The following ZNF333 variants were observed in gnomAD, a reference collection of about 807,000 sequenced individuals.
ZNF333 encodes zinc finger protein 333.
Under a neutral mutation model 76.1 loss-of-function variants are expected in ZNF333, and 61 were observed. The ratio of observed to expected loss-of-function variants is 0.80; its 90% CI spans 0.65 to 0.99. The LOEUF is 0.99. Among genes scored for constraint, ZNF333 ranks in the 50% least tolerant of loss-of-function variants. ZNF333 has a pLI of 0.00. For synonymous variants in ZNF333, 284 were observed against 305.0 expected, an observed-to-expected ratio of 0.93 and a Z score of 0.72; for missense variants, 717 against 822.4, an observed-to-expected ratio of 0.87 and a Z score of 1.57.
chr19:14,702,628 A>T (rs1419603599), intron 5 of ZNF333, among the ~76,000 whole-genome samples: 1 of 152,164 alleles, frequency 6.6e-6, no homozygotes, highest in Non-Finnish European at 1.5e-5. Flanking sequence ...TTCTGCAGAC[A>T]CCTGGCTCCT....
At chr19:14,731,070 T>C in intron 11 of ZNF333, 1 of 966,144 alleles carries the variant, frequency 1.0e-6, no homozygotes, top group Non-Finnish European at 1.6e-6. Context: ...TGCCCTGGTC[T>C]CAAGCACCGC....
Position 14,697,357 on chromosome 19 carries a change from C to CTTTTTT in ZNF333, c.223+1713_223+1718dup, listed in dbSNP as rs139125023. 4.7e-3 allele frequency among the ~76,000 whole-genome samples: 430 copies of CTTTTTT among 90,744 alleles called. 1 individual carries two copies. Among genetic ancestry groups the CTTTTTT allele is most frequent in the African/African-American group, 0.01 (228 of 22,532 alleles). The allele number at this position is 90,744 out of a possible 152,430, so 59.5% of individuals were successfully genotyped here. ...GTGTACAATATTTCTTTTTTCTTTT[C>CTTTTTT]TTTTTTTTTTTTTTTTTTTTTTGAG... is the stretch of plus-strand genomic sequence containing the variant. On this transcript the variant is annotated intron_variant, in intron 4 of 11. Transcript: ENST00000292530.
Position 14,715,411 on chromosome 19 carries a change from C to T in ZNF333, c.541C>T (p.Gln181Ter). 1 of 1,614,058 alleles carries T rather than the reference C, an allele frequency of 6.2e-7. No homozygotes were observed. The highest frequency in any genetic ancestry group is 8.5e-7 in the Non-Finnish European group (1 of 1,179,966). The stretch of plus-strand genomic sequence containing the variant: ...GCCTGCACGTGACCCTGCCTGGCTT[C>T]AGGAGGACAAAGTGGAGGAAGAAGC... ...AVPARDPAWLQEDKVEEEAMA... is the reference protein window; with the variant it reads ...AVPARDPAWL The change falls in exon 8 of 12, where the codon CAG becomes TAG. Residue 181 changes from glutamine (Q) to a stop codon, truncating the protein, a stop_gained. Coordinates refer to ENST00000292530, the MANE Select transcript of ZNF333 (RefSeq NM_032433.4). LOFTEE classifies it high-confidence loss of function.
At chr19:14,715,167 ATGTGTGCATGTCTGTGTACG>A (rs2042391086) in intron 7 of ZNF333, 195 bp from the exon 8 acceptor site, 1 of 530,392 alleles carries the variant, frequency 1.9e-6, no homozygotes, top group Non-Finnish European at 3.5e-6. Flanking sequence ...TTGTGTGTAT[ATGTGTGCATGTCTGTGTACG>A]TGTGTGCATG....
At chr19:14,705,694 G>A (rs2042089084) in intron 6 of ZNF333, among the ~76,000 whole-genome samples, 1 of 152,248 alleles carries the variant, frequency 6.6e-6, no homozygotes, top group South Asian at 2.1e-4. Flanking sequence ...CAGAGCAGGA[G>A]GTGAGCGGCG....
At chr19:14,726,476 G>A (rs553940598), downstream of ZNF333, among the ~76,000 whole-genome samples, 8 of 152,082 alleles carry the variant, frequency 5.3e-5, no homozygotes, top group African/African-American at 9.6e-5. Flanking sequence ...CTTCTTTACC[G>A]CATGGCCAGG....
At position 14,719,099 on chromosome 19, in the gene ZNF333, C is replaced by T; in HGVS notation, c.1772C>T (p.Ala591Val). ...ARTHSGKKPY[A>V]CQECGRAFGQ... ...ACTCACAGTGGCAAGAAGCCCTATG[C>T]ATGCCAGGAATGCGGGCGAGCCTTT... is the stretch of plus-strand genomic sequence containing the variant. Residue 591 changes from alanine to valine, a missense_variant, in exon 12 of 12, where the codon GCA becomes GTA. Ala to Val is a moderately conservative substitution (Grantham distance 64). Coordinates refer to ENST00000292530, the MANE Select transcript of ZNF333 (RefSeq NM_032433.4). The T allele has an allele frequency of 6.2e-7, 1 of 1,613,944 alleles. No individual in the cohort carries two copies. The highest frequency in any genetic ancestry group is 8.5e-7 in the Non-Finnish European group (1 of 1,179,946).
rs569763417 is a variant in ZNF333 at position 14,695,585 on chromosome 19, C to T, written c.147C>T (p.Pro49=). The T allele has an allele frequency of 6.2e-7, 1 of 1,614,162 alleles. No homozygotes were observed. Among genetic ancestry groups the T allele is most frequent in the Admixed American group, 1.7e-5 (1 of 60,016 alleles). ...GTGCAGGAACTCCACCATGCAAACC[C>T]AGTTGTGTCTCCCAGCTGGGGCAAA... ...LASRGTPPCK[P]SCVSQLGQRA... Residue 49 remains proline (P), a synonymous_variant, in exon 4 of 12, where the codon CCC becomes CCT. Transcript: ENST00000292530.
At chr19:14,728,105 C>T (rs2524360) in intron 11 of ZNF333, among the ~76,000 whole-genome samples, 49,202 of 151,772 alleles carry the variant, frequency 0.32, 8,356 homozygotes, top group Middle Eastern at 0.48. Context: ...CCCAACTACT[C>T]GGGAGGCTGA....
At chr19:14,715,237 G>A (rs1461671780) in intron 7 of ZNF333, 145 bp from the exon 8 acceptor site, 3 of 640,600 alleles carry the variant, frequency 4.7e-6, no homozygotes, top group Non-Finnish European at 8.2e-6. Flanking sequence ...GCAGATATGT[G>A]TCTGCATGTG....
downstream of ZNF333, among the ~76,000 whole-genome samples, chr19:14,724,626 T>C (rs529112755): frequency 2.2e-3 from 329 of 151,942 alleles, 1 homozygote; most frequent in African/African-American, 7.8e-3. Flanking sequence ...ATTAGTTGGG[T>C]GTGGTGGCGG....
chr19:14,727,300 T>C (rs2147043709), intron 11 of ZNF333, among the ~76,000 whole-genome samples: 1 of 152,280 alleles, frequency 6.6e-6, no homozygotes, highest in Non-Finnish European at 1.5e-5. Flanking sequence ...AATGCTGGGA[T>C]TACAGGTGTG....
intron 10 of ZNF333, 52 bp from the exon 11 acceptor site, chr19:14,717,605 C>T: frequency 6.5e-7 from 1 of 1,535,326 alleles, no homozygotes; most frequent in Non-Finnish European, 9.0e-7. Flanking sequence ...GACCTTGATC[C>T]CACAGTTTCT....
chr19:14,728,027 C>A (rs917070024), intron 11 of ZNF333, among the ~76,000 whole-genome samples: 5 of 152,164 alleles, frequency 3.3e-5, no homozygotes, highest in African/African-American at 1.2e-4. Flanking sequence ...TCGAGACCAT[C>A]CTGGCTAACA....
chr19:14,710,793 TAAATA>T (rs1346961974), intron 7 of ZNF333, among the ~76,000 whole-genome samples: 2 of 151,784 alleles, frequency 1.3e-5, no homozygotes, highest in Non-Finnish European at 2.9e-5. Context: ...AATAAAAAAA[TAAATA>T]AAAGTAAATA....
intron 3 of ZNF333, 150 bp downstream of exon 3, chr19:14,695,283 TC>T (rs1973096301): frequency 1.6e-6 from 2 of 1,259,356 alleles, no homozygotes; most frequent in Non-Finnish European, 2.1e-6. Flanking sequence ...TTGACTTCTT[TC>T]CCTCTGTAGT....
rs1320629974 is a variant in ZNF333 at position 14,690,101 on chromosome 19, G to GCGGCGCGGCGCGGCA, written c.-83_-82insCGCGGCACGGCGCGG. On this transcript the variant is annotated 5_prime_UTR_variant, in exon 1 of 12. Transcript: ENST00000292530. ...CGGCGGCTGAGCTGTGCTGCGCGGC[G>GCGGCGCGGCGCGGCA]CGGCGCGGTGCGGCACGGCACGGTG... 2.6e-5 allele frequency: 4 copies of GCGGCGCGGCGCGGCA among 151,384 alleles called. No individual in the cohort carries two copies. Among genetic ancestry groups the GCGGCGCGGCGCGGCA allele is most frequent in the African/African-American group, 9.7e-5 (4 of 41,058 alleles). 9.4% of individuals were successfully genotyped at this position (151,384 alleles called of 1,614,324 possible).
At chr19:14,707,629 G>A (rs1305955966) in intron 7 of ZNF333, among the ~76,000 whole-genome samples, 1 of 137,038 alleles carries the variant, frequency 7.3e-6, no homozygotes, top group African/African-American at 2.8e-5. Context: ...CCGGCTCACT[G>A]CAAGCTCCGC....
Position 14,718,230 on chromosome 19 carries a change from G to A in ZNF333, c.903G>A (p.Glu301=). The change falls in exon 12 of 12, where the codon GAG becomes GAA. Residue 301 remains glutamate (E), a splice_region_variant and synonymous_variant. Transcript: ENST00000292530. ...TEILSIDVKG[E]QPQPGEKLYK... ...TTCACATTTTCCTTCATCGACAGGAGCAACCTCAGCCTGGAGAAAAACTCT... is the reference window on the plus strand; with the variant it reads ...TTCACATTTTCCTTCATCGACAGGAACAACCTCAGCCTGGAGAAAAACTCT... 1 of 1,604,298 alleles carries A rather than the reference G, an allele frequency of 6.2e-7. No individual in the cohort carries two copies. The highest frequency in any genetic ancestry group is 8.5e-7 in the Non-Finnish European group (1 of 1,175,344).
Sources: gnomAD v4.1 joint callset for allele counts (sites outside exome capture counted in the v4.1 genomes callset) on GRCh38, gnomAD v4.1.1 for gene constraint, MANE v1.5 for transcripts, NCBI Gene and HGNC (gene_info 2026-07-23, HGNC 2026-07-21) for gene names.